GTPBP6: variants seen among roughly 807,000 people sequenced by gnomAD.
GTPBP6 encodes putative GTP-binding protein 6.
A neutral mutation model predicts 28.9 loss-of-function variants in GTPBP6; 33 were observed. The observed-to-expected ratio is 1.14, with a 90% CI of 0.87 to 1.53. The LOEUF (loss-of-function observed/expected upper bound fraction) is 1.53. GTPBP6 is among the 40% of genes most tolerant of loss of function. GTPBP6 has a pLI of 0.00. For synonymous variants in GTPBP6, 231 were observed against 192.7 expected (o/e 1.20, Z -1.65); for missense variants, 507 against 408.3 (o/e 1.24, Z -2.08).
exon 2 of GTPBP6, chrX:317,036 G>A (rs1324459465): frequency 2.5e-5 from 10 of 398,344 alleles, no homozygotes; most frequent in Non-Finnish European, 4.4e-5. Flanking sequence ...TGTGGCCTCC[G>A]CCACCTGCCA....
chrX:315,109 T>G (rs2070405155), intron 3 of GTPBP6, 89 bp from the exon 4 acceptor site: 1 of 398,676 alleles, frequency 2.5e-6, no homozygotes, highest in African/African-American at 2.1e-5. Context: ...CTCTAATGCC[T>G]TAACCCCACC....
chrX:318,595 G>A, exon 1 of GTPBP6: 1 of 397,708 alleles, frequency 2.5e-6, no homozygotes, highest in Non-Finnish European at 4.4e-6. Context: ...TCTCCCGTGC[G>A]GCTTCGGCCG....
intron 9 of GTPBP6, among the ~76,000 whole-genome samples, chrX:305,467 G>GC (rs1312225034): frequency 6.6e-6 from 1 of 151,446 alleles, no homozygotes; most frequent in African/African-American, 2.4e-5. Flanking sequence ...GACTACAGGT[G>GC]CATGCCACCA....
chrX:317,456 A>G (rs2070458195), intron 1 of GTPBP6, among the ~76,000 whole-genome samples: 1 of 151,466 alleles, frequency 6.6e-6, no homozygotes, highest in South Asian at 2.1e-4. Flanking sequence ...AAACACCCGT[A>G]AAGAAAAACC....
In GTPBP6 at chrX:316,408, G is replaced by A. The variant is rs2070441902; in HGVS notation, c.487+506C>T. Among the ~76,000 whole-genome samples, 3 of 151,698 alleles carry A rather than the reference G, an allele frequency of 2.0e-5. No homozygotes were observed. In the South Asian group the frequency reaches 6.2e-4, roughly 32 times the overall value. ...CAGGGGTGAGATGCATCTGAGTCAG[G>A]CAGGAAAGCTGACCCCCACCTGGGC... On this transcript the variant is annotated intron_variant, in intron 2 of 9. Coordinates refer to ENST00000326153, the Ensembl canonical transcript of GTPBP6.
intron 7 of GTPBP6, among the ~76,000 whole-genome samples, chrX:309,838 A>G (rs2070248107): frequency 6.9e-6 from 1 of 144,010 alleles, no homozygotes; most frequent in African/African-American, 2.8e-5. Flanking sequence ...ATTTGGAAAC[A>G]GGGTCTCTGC....
At chrX:305,662 G>A (rs920450556) in intron 9 of GTPBP6, among the ~76,000 whole-genome samples, 2 of 141,942 alleles carry the variant, frequency 1.4e-5, no homozygotes, top group African/African-American at 5.5e-5. Context: ...GTCTCGCTCT[G>A]TCGCCAGGCT....
intron 9 of GTPBP6, among the ~76,000 whole-genome samples, chrX:306,221 CGCA>C (rs2070159992): frequency 6.7e-6 from 1 of 149,312 alleles, no homozygotes; most frequent in South Asian, 2.1e-4. Flanking sequence ...GACTGTCAAG[CGCA>C]GATTAGGCAC....
rs2070421609 is a variant in GTPBP6 at position 315,691 on chromosome X, CACACACACACACACA to C, written c.488-407_488-393del. ...CGGCAGGGACACAAACACATACACA[CACACACACACACACA>C]GTAAATACATCCCGACAGGGACAGA... On this transcript the variant is annotated intron_variant, in intron 2 of 9. Coordinates refer to ENST00000326153, the Ensembl canonical transcript of GTPBP6. Among the ~76,000 whole-genome samples, 16 of 5,164 alleles carry C rather than the reference CACACACACACACACA, an allele frequency of 3.1e-3. 2 individuals carry two copies. Among genetic ancestry groups the C allele is most frequent in the Non-Finnish European group, 0.011 (11 of 1,036 alleles). The allele number at this position is 5,164 out of a possible 152,430, so 3.4% of individuals were successfully genotyped here.
At chrX:318,685 C>T (rs1175705038) in exon 1 of GTPBP6, 1 of 390,836 alleles carries the variant, frequency 2.6e-6, no homozygotes, top group South Asian at 1.3e-4. Flanking sequence ...GCGGCTAGCG[C>T]GCGCGCGGGG....
chrX:310,978 C>T (rs1452411217), intron 7 of GTPBP6, among the ~76,000 whole-genome samples: 1 of 151,982 alleles, frequency 6.6e-6, no homozygotes, highest in African/African-American at 2.4e-5. Context: ...CAGGTGCACC[C>T]GGGAACACGC....
chrX:306,565 G>A (rs1269921004), intron 9 of GTPBP6, among the ~76,000 whole-genome samples: 2 of 150,542 alleles, frequency 1.3e-5, no homozygotes, highest in African/African-American at 4.9e-5. Context: ...TATGCAGTCA[G>A]AAATGTATTT....
rs772754096 is a variant in GTPBP6, at chrX:311,617, C to T, written c.927G>A (p.Thr309=). Residue 309 remains threonine (T), a synonymous_variant, in exon 7 of 10, where the codon ACG becomes ACA. Coordinates refer to ENST00000326153, the Ensembl canonical transcript of GTPBP6. The stretch of plus-strand genomic sequence containing the variant: ...CATCGCCCGTCAGTGCCTTGATCAG[C>T]GTGGTCTTTCCTAGGAGGGCGTGGA... 69 of 1,611,648 alleles carry T rather than the reference C, an allele frequency of 4.3e-5. 1 individual carries two copies. In the Admixed American group the frequency reaches 9.3e-4, roughly 22 times the overall value.
At chrX:317,526 G>A (rs2070459201) in intron 1 of GTPBP6, among the ~76,000 whole-genome samples, 4 of 126,750 alleles carry the variant, frequency 3.2e-5, no homozygotes, top group African/African-American at 9.1e-5. Context: ...TCTGACACGT[G>A]CAGCGACTTA....
chrX:317,556 G>GGGTGGT (rs2070459893), intron 1 of GTPBP6, among the ~76,000 whole-genome samples: 1 of 85,114 alleles, frequency 1.2e-5, no homozygotes, highest in East Asian at 3.4e-4. Flanking sequence ...ATTTCCTCCT[G>GGGTGGT]GGGGGTGGGG....
intron 9 of GTPBP6, 128 bp from the exon 10 acceptor site, chrX:305,325 T>TTC: frequency 3.7e-6 from 1 of 273,548 alleles, no homozygotes; most frequent in East Asian, 7.7e-5. Context: ...TTTCCTTTTG[T>TTC]TTTTTTTTTT....
chrX:312,657 C>T (rs1233113388), intron 6 of GTPBP6, 109 bp downstream of exon 6: 1 of 1,132,354 alleles, frequency 8.8e-7, no homozygotes, highest in East Asian at 2.4e-5. Flanking sequence ...CTCACCGCAG[C>T]TGTCGTACGG....
intron 2 of GTPBP6, 82 bp from the exon 3 acceptor site, chrX:315,381 G>GAT (rs1364314700): frequency 5.0e-6 from 2 of 398,554 alleles, no homozygotes; most frequent in Admixed American, 8.8e-5. Flanking sequence ...CCCTTTGTGG[G>GAT]ATGCACCGCG....
Position 311,749 on chromosome X carries a change from G to A in GTPBP6, c.917-122C>T, listed in dbSNP as rs1385448915. ...TGGGGGGCCGCACCCCGGGCTACAC[G>A]GTCCCTGAGCTCCTCGGGCACCCCG... is the stretch of plus-strand genomic sequence containing the variant. On this transcript the variant is annotated intron_variant, in intron 6 of 9. Transcript: ENST00000326153. 9.7e-5 allele frequency: 78 copies of A among 800,974 alleles called. No homozygotes were observed. The East Asian group carries it at 1.5e-3, about 15-fold the overall frequency. The allele number at this position is 800,974 out of a possible 1,614,324, so 49.6% of individuals were successfully genotyped here. A position where few individuals can be genotyped will look rare whatever the true frequency, so the allele number is the denominator to read the frequency against.
Sources: allele counts gnomAD v4.1 joint callset (sites outside exome capture counted in the v4.1 genomes callset), GRCh38; gene constraint gnomAD v4.1.1; transcripts MANE v1.5; gene names NCBI Gene and HGNC (gene_info 2026-07-23, HGNC 2026-07-21).